Variants in RERG observed in about 807,000 individuals in gnomAD.
The protein encoded by RERG is RAS like estrogen regulated growth inhibitor, also known as ras-related and estrogen-regulated growth inhibitor.
Under a neutral mutation model 23.2 loss-of-function variants are expected in RERG, and 25 were observed. The observed-to-expected ratio is 1.08, with a 90% CI of 0.79 to 1.50. The LOEUF (loss-of-function observed/expected upper bound fraction) is 1.50. Among genes scored for constraint, RERG ranks in the 40% most tolerant of loss-of-function variants. The probability of loss-of-function intolerance (pLI) is 0.00; values close to 1 mark genes in which losing one functional copy is unlikely to be tolerated. For synonymous variants in RERG, 81 were observed against 89.1 expected (o/e 0.91, Z 0.51); for missense variants, 253 against 250.1 (o/e 1.01, Z -0.08).
At chr12:15,141,989 A>G (rs1374507544) in intron 2 of RERG, among the ~76,000 whole-genome samples, 2 of 152,232 alleles carry the variant, frequency 1.3e-5, no homozygotes, top group Non-Finnish European at 2.9e-5. Flanking sequence ...GTAGAACTCA[A>G]TTGACAAGCA....
At chr12:15,181,166 T>A (rs1024374145) in intron 2 of RERG, among the ~76,000 whole-genome samples, 1 of 152,164 alleles carries the variant, frequency 6.6e-6, no homozygotes, top group Non-Finnish European at 1.5e-5. Context: ...AAGAAAGTCC[T>A]CAACCAGCCC....
At chr12:15,186,294 T>C (rs1279611197) in intron 2 of RERG, among the ~76,000 whole-genome samples, 3 of 152,058 alleles carry the variant, frequency 2.0e-5, no homozygotes, top group Admixed American at 1.3e-4. Flanking sequence ...AATTATTTAT[T>C]TTTTTCCTGT....
intron 2 of RERG, among the ~76,000 whole-genome samples, chr12:15,126,127 C>CAATATATATATATATATA (rs1175601997): frequency 2.9e-5 from 1 of 34,546 alleles, no homozygotes; most frequent in Non-Finnish European, 6.0e-5. Context: ...GTTGTATATA[C>CAATATATATATATATATA]CATATATATA....
At chr12:15,169,753 G>C in intron 2 of RERG, among the ~76,000 whole-genome samples, 1 of 152,242 alleles carries the variant, frequency 6.6e-6, no homozygotes, top group East Asian at 1.9e-4. Context: ...ATTTTTATGA[G>C]TTTCTAGCCA....
chr12:15,140,761 C>G (rs1230515362), intron 2 of RERG, among the ~76,000 whole-genome samples: 1 of 152,000 alleles, frequency 6.6e-6, no homozygotes, highest in Non-Finnish European at 1.5e-5. Context: ...GATGAGTCTG[C>G]TATGTAATTC....
At chr12:15,112,925 C>T (rs1863648944) in intron 3 of RERG, among the ~76,000 whole-genome samples, 1 of 152,054 alleles carries the variant, frequency 6.6e-6, no homozygotes, top group Admixed American at 6.6e-5. Flanking sequence ...ATATCTAAAC[C>T]TATTATGACA....
intron 2 of RERG, among the ~76,000 whole-genome samples, chr12:15,171,535 G>A (rs1449185698): frequency 6.6e-6 from 1 of 152,078 alleles, no homozygotes. Context: ...AGTGGGGCGG[G>A]AGCACAATCA....
At chr12:15,175,529 T>C (rs1591658630) in intron 2 of RERG, among the ~76,000 whole-genome samples, 1 of 152,000 alleles carries the variant, frequency 6.6e-6, no homozygotes. Context: ...ACACACAACC[T>C]TGCATGTAAG....
chr12:15,113,486 C>T (rs1009742745), intron 3 of RERG, among the ~76,000 whole-genome samples: 22 of 151,810 alleles, frequency 1.4e-4, no homozygotes, highest in African/African-American at 2.9e-4. Context: ...TAAAATAATA[C>T]GAAGTTTATA....
chr12:15,138,090 A>T (rs1864174615), intron 2 of RERG: 4 of 257,498 alleles, frequency 1.6e-5, no homozygotes, highest in Admixed American at 9.6e-5. Flanking sequence ...ATTTCATTTC[A>T]CTCTTTTCTT....
At chr12:15,173,800 T>TA (rs1411592555) in intron 2 of RERG, among the ~76,000 whole-genome samples, 1 of 151,988 alleles carries the variant, frequency 6.6e-6, no homozygotes, top group Admixed American at 6.6e-5. Context: ...AGAAATATAA[T>TA]AGAGTTTTGT....
chr12:15,173,450 G>A (rs1304683007), intron 2 of RERG, among the ~76,000 whole-genome samples: 2 of 151,674 alleles, frequency 1.3e-5, no homozygotes, highest in African/African-American at 4.8e-5. Context: ...ACCTATTCTG[G>A]GTCTATTGCA....
chr12:15,203,769 C>T (rs925931109), intron 2 of RERG, among the ~76,000 whole-genome samples: 17 of 151,434 alleles, frequency 1.1e-4, no homozygotes, highest in Non-Finnish European at 2.4e-4. Context: ...TGCACATATA[C>T]TAAACAAATT....
At chr12:15,162,325 G>T (rs569867248) in intron 2 of RERG, among the ~76,000 whole-genome samples, 1 of 152,254 alleles carries the variant, frequency 6.6e-6, no homozygotes, top group African/African-American at 2.4e-5. Flanking sequence ...AATAAAAAAA[G>T]AAATCAGGAG....
intron 2 of RERG, among the ~76,000 whole-genome samples, chr12:15,166,776 C>CTT (rs759874317): frequency 1.4e-5 from 2 of 142,702 alleles, no homozygotes; most frequent in East Asian, 4.1e-4. Flanking sequence ...GACTAGATCA[C>CTT]TTTTTTTTTT....
intron 2 of RERG, among the ~76,000 whole-genome samples, chr12:15,165,231 C>T (rs532857872): frequency 6.6e-6 from 1 of 152,266 alleles, no homozygotes; most frequent in East Asian, 1.9e-4. Flanking sequence ...CAGCAAATTA[C>T]GGATTTCTGC....
intron 2 of RERG, among the ~76,000 whole-genome samples, chr12:15,166,426 C>T (rs1249123383): frequency 6.6e-6 from 1 of 151,968 alleles, no homozygotes; most frequent in African/African-American, 2.4e-5. Context: ...AATTTTGGGA[C>T]TCTGGACAAG....
At chr12:15,183,469 G>A (rs372461740) in intron 2 of RERG, among the ~76,000 whole-genome samples, 2 of 151,678 alleles carry the variant, frequency 1.3e-5, no homozygotes, top group Non-Finnish European at 2.9e-5. Flanking sequence ...CTCTTTTTTA[G>A]ATAAAAAAGG....
chr12:15,176,618 A>T (rs1864854599), intron 2 of RERG, among the ~76,000 whole-genome samples: 1 of 152,188 alleles, frequency 6.6e-6, no homozygotes, highest in Admixed American at 6.5e-5. Flanking sequence ...AAGACACGAG[A>T]TAATAGAAAT....
Sources: gnomAD v4.1 joint callset for allele counts (sites outside exome capture counted in the v4.1 genomes callset) on GRCh38, gnomAD v4.1.1 for gene constraint, MANE v1.5 for transcripts, NCBI Gene and HGNC (gene_info 2026-07-23, HGNC 2026-07-21) for gene names.